The following DGKI variants were observed in gnomAD, a reference collection of about 807,000 sequenced individuals.
DGKI encodes the protein diacylglycerol kinase iota, also known as DAG kinase iota.
DGKI carries 55 observed loss-of-function variants against 147.5 expected under a neutral mutation model. That is an observed-to-expected ratio of 0.37 (90% CI 0.30 to 0.47). DGKI has a LOEUF of 0.47. DGKI is among the 20% of genes least tolerant of loss of function. The probability of loss-of-function intolerance (pLI) is 1.00; values close to 1 mark genes in which losing one functional copy is unlikely to be tolerated. For synonymous variants in DGKI, 469 were observed against 477.1 expected (o/e 0.98, Z 0.22); for missense variants, 1,007 against 1,323.8 (o/e 0.76, Z 3.71).
At chr7:137,697,914 ATATATC>A (rs1353350673) in intron 1 of DGKI, among the ~76,000 whole-genome samples, 1 of 151,856 alleles carries the variant, frequency 6.6e-6, no homozygotes, top group Non-Finnish European at 1.5e-5. Context: ...ATGTAGCTTT[ATATATC>A]TATATCTATA....
At chr7:137,503,499 G>C (rs1316115118) in intron 21 of DGKI, among the ~76,000 whole-genome samples, 2 of 152,114 alleles carry the variant, frequency 1.3e-5, no homozygotes, top group Non-Finnish European at 2.9e-5. Context: ...GCTATTCAAA[G>C]GTGTTTCCCA....
intron 1 of DGKI, among the ~76,000 whole-genome samples, chr7:137,753,160 T>G (rs963872987): frequency 1.3e-5 from 2 of 152,090 alleles, no homozygotes; most frequent in Non-Finnish European, 1.5e-5. Flanking sequence ...ATAAACAAAG[T>G]TACACTTGAG....
At chr7:137,402,886 A>G (rs1386746977) in intron 30 of DGKI, among the ~76,000 whole-genome samples, 1 of 152,216 alleles carries the variant, frequency 6.6e-6, no homozygotes, top group Non-Finnish European at 1.5e-5. Flanking sequence ...GAAAGACTGA[A>G]GACAGAAAAA....
intron 20 of DGKI, among the ~76,000 whole-genome samples, chr7:137,527,685 G>T (rs889363928): frequency 1.3e-5 from 2 of 152,050 alleles, no homozygotes; most frequent in Non-Finnish European, 2.9e-5. Flanking sequence ...ATAAATAATT[G>T]TAATTCAACC....
intron 1 of DGKI, among the ~76,000 whole-genome samples, chr7:137,813,447 A>G (rs892852553): frequency 1.3e-4 from 20 of 152,212 alleles, no homozygotes; most frequent in African/African-American, 4.6e-4. Flanking sequence ...ACTTTCAGTC[A>G]TGTCACACTG....
Position 137,526,632 on chromosome 7 carries a change from TTG to T in DGKI, c.2148-4668_2148-4667del, listed in dbSNP as rs1169988221. 3.9e-5 allele frequency among the ~76,000 whole-genome samples: 6 copies of T among 152,186 alleles called. 1 individual carries two copies. Among genetic ancestry groups the T allele is most frequent in the Admixed American group, 3.3e-4 (5 of 15,270 alleles). On this transcript the variant is annotated intron_variant, in intron 20 of 32. Transcript: ENST00000614521. The stretch of plus-strand genomic sequence containing the variant: ...TATACACACCTTTTACCCTGAGATG[TTG>T]GAAGGGAGGTAGACTGACTTTCCAT...
At chr7:137,782,035 G>C (rs10281320) in intron 1 of DGKI, among the ~76,000 whole-genome samples, 25,934 of 152,146 alleles carry the variant, frequency 0.17, 2,843 homozygotes, top group African/African-American at 0.3. Context: ...CTCACACCAT[G>C]AACTTTTGCT....
chr7:137,655,979 G>A (rs1822204425), intron 4 of DGKI, among the ~76,000 whole-genome samples: 1 of 152,190 alleles, frequency 6.6e-6, no homozygotes. Context: ...CCACACATTT[G>A]AGCAGCAACA....
rs75889713 is a variant in DGKI, at chr7:137,604,557, G to A, written c.1167+4409C>T. ...TCCACAGACTGGACACCTCTTCCTCGATCACCCTACTGATAAAGACCCTGG... is the reference window on the plus strand; with the variant it reads ...TCCACAGACTGGACACCTCTTCCTCAATCACCCTACTGATAAAGACCCTGG... On this transcript the variant is annotated intron_variant, in intron 10 of 32. Coordinates refer to ENST00000614521, the MANE Select transcript of DGKI (RefSeq NM_001321708.2). Among the ~76,000 whole-genome samples the A allele has an allele frequency of 2.7e-3, 414 of 152,130 alleles. 5 individuals are homozygous for A. The highest frequency in any genetic ancestry group is 9.2e-3 in the African/African-American group (382 of 41,506).
At chr7:137,631,960 G>A (rs1163226165) in intron 6 of DGKI, among the ~76,000 whole-genome samples, 1 of 152,222 alleles carries the variant, frequency 6.6e-6, no homozygotes, top group Non-Finnish European at 1.5e-5. Context: ...GGGAAGTTCA[G>A]AGGTGGCTCT....
Position 137,389,038 on chromosome 7 carries a change from C to A in DGKI, c.*2182G>T, listed in dbSNP as rs146244673. 1 of 152,276 alleles carries A rather than the reference C, an allele frequency of 6.6e-6. No individual in the cohort carries two copies. The highest frequency in any genetic ancestry group is 2.4e-5 in the African/African-American group (1 of 41,552). 9.4% of individuals were successfully genotyped at this position (152,276 alleles called of 1,614,324 possible). On this transcript the variant is annotated 3_prime_UTR_variant, in exon 33 of 33. Transcript: ENST00000614521. ...CCAACAGTAACAGCTAGATAACTGA[C>A]TGCTTGGCCAAACATTTGACTCAAT...
At chr7:137,759,694 A>G (rs1176827762) in intron 1 of DGKI, among the ~76,000 whole-genome samples, 1 of 152,170 alleles carries the variant, frequency 6.6e-6, no homozygotes, top group East Asian at 1.9e-4. Flanking sequence ...AGTGGGTGGC[A>G]ATAGAACAAG....
chr7:137,412,272 G>C, intron 28 of DGKI, 65 bp from the exon 29 acceptor site: 1 of 1,473,412 alleles, frequency 6.8e-7, no homozygotes, highest in Non-Finnish European at 9.5e-7. Flanking sequence ...ATTACACAAA[G>C]TTGGATCCAT....
At chr7:137,802,602 C>T (rs1314560098) in intron 1 of DGKI, among the ~76,000 whole-genome samples, 1 of 152,062 alleles carries the variant, frequency 6.6e-6, no homozygotes, top group African/African-American at 2.4e-5. Context: ...CATTAATTTG[C>T]AGAAGGTCCT....
intron 21 of DGKI, among the ~76,000 whole-genome samples, chr7:137,491,685 A>T (rs1456749820): frequency 6.6e-6 from 1 of 152,122 alleles, no homozygotes; most frequent in African/African-American, 2.4e-5. Flanking sequence ...CCATAGTTAG[A>T]CCTCCTTCTC....
chr7:137,510,115 G>A (rs957338126), intron 21 of DGKI, among the ~76,000 whole-genome samples: 1 of 152,208 alleles, frequency 6.6e-6, no homozygotes, highest in African/African-American at 2.4e-5. Flanking sequence ...AGTATGGGCA[G>A]AAGGCCCACA....
chr7:137,577,310 A>C (rs777326922), intron 16 of DGKI, 26 bp from the exon 17 acceptor site: 1 of 1,519,618 alleles, frequency 6.6e-7, no homozygotes. Flanking sequence ...ATAAAGAAGA[A>C]GAAATTCGTA....
intron 1 of DGKI, among the ~76,000 whole-genome samples, chr7:137,789,078 A>G (rs1343263831): frequency 1.3e-5 from 2 of 152,228 alleles, no homozygotes; most frequent in Non-Finnish European, 2.9e-5. Context: ...TTATTCACCC[A>G]TAACACAGGT....
chr7:137,800,357 C>A (rs1253260167), intron 1 of DGKI, among the ~76,000 whole-genome samples: 1 of 152,056 alleles, frequency 6.6e-6, no homozygotes, highest in East Asian at 1.9e-4. Flanking sequence ...GTCATGGGGG[C>A]AGATCCCTCA....
Sources: gnomAD v4.1 joint callset for allele counts (sites outside exome capture counted in the v4.1 genomes callset) on GRCh38, gnomAD v4.1.1 for gene constraint, MANE v1.5 for transcripts, NCBI Gene and HGNC (gene_info 2026-07-23, HGNC 2026-07-21) for gene names.